Variants in WHAMM observed in about 807,000 individuals in gnomAD.
The protein encoded by WHAMM is WASP homolog-associated protein with actin, membranes and microtubules.
A neutral mutation model predicts 76.5 loss-of-function variants in WHAMM; 67 were observed. The observed-to-expected ratio is 0.88, with a 90% confidence interval of 0.72 to 1.07. WHAMM has a LOEUF of 1.07. Among genes scored for constraint, WHAMM ranks in the 50% least tolerant of loss-of-function variants. WHAMM has a pLI of 0.00. For synonymous variants in WHAMM, 419 were observed against 422.1 expected (o/e 0.99, Z 0.09); for missense variants, 1,021 against 1,051.1 (o/e 0.97, Z 0.40).
chr15:82,818,456 C>A (rs1049141818), intron 4 of WHAMM, among the ~76,000 whole-genome samples: 12 of 152,196 alleles, frequency 7.9e-5, no homozygotes, highest in African/African-American at 2.9e-4. Context: ...CCAACACCAT[C>A]TTCTGTGGAA....
In WHAMM at chr15:82,813,236, C is replaced by T; in HGVS notation, c.743C>T (p.Ala248Val). 1 of 1,593,294 alleles carries T rather than the reference C, an allele frequency of 6.3e-7. No individual in the cohort carries two copies. ...FFQYLLQPFR[A>V]MREVATLCKL... is the part of the protein sequence containing the mutation. Reference sequence around the variant, plus strand: ...CAGTACTTATTGCAGCCATTTAGGGCTATGCGAGAAGTTGCAACTTTATGT... The same window carrying T: ...CAGTACTTATTGCAGCCATTTAGGGTTATGCGAGAAGTTGCAACTTTATGT... The change falls in exon 2 of 10, where the codon GCT becomes GTT. Residue 248 changes from alanine to valine, a missense_variant. Around this residue, in one of 3 missense-constraint regions of WHAMM, gnomAD observed 501 missense variants for 524.9 expected, o/e 0.95. Coordinates refer to ENST00000286760, the MANE Select transcript of WHAMM (RefSeq NM_001080435.3).
intron 8 of WHAMM, 105 bp downstream of exon 8, chr15:82,826,951 C>T (rs761974605): frequency 8.3e-5 from 99 of 1,189,744 alleles, no homozygotes; most frequent in Non-Finnish European, 1.1e-4. Context: ...TCATTCAGAA[C>T]GTGAAACATT....
chr15:82,822,728 G>A (rs2151566245), intron 5 of WHAMM, among the ~76,000 whole-genome samples: 1 of 152,202 alleles, frequency 6.6e-6, no homozygotes, highest in Non-Finnish European at 1.5e-5. Flanking sequence ...GTGAGCCCCT[G>A]CGCCTGGCCT....
Position 82,810,318 on chromosome 15 carries a change from G to A in WHAMM, c.592G>A (p.Asp198Asn), listed in dbSNP as rs2151554106. The change falls in exon 1 of 10, where the codon GAC (aspartate) becomes AAC (asparagine). Residue 198 changes from aspartate (D) to asparagine (N), a missense_variant. Physicochemically the swap from Asp to Asn is conservative, Grantham distance 23 (BLOSUM62 1). Transcript: ENST00000286760. ...CTTGCGCGCGCGGTGGGTCGAGGCG[G>A]ACGCGCGGCTGCGCCAGGTAAGCGA... Reference protein sequence around the residue: ...RALRARWVEADARLRQVIQGH... With the variant: ...RALRARWVEANARLRQVIQGH... The A allele has an allele frequency of 7.6e-7, 1 of 1,316,316 alleles. No individual in the cohort carries two copies. The highest frequency in any genetic ancestry group is 2.2e-5 in the South Asian group (1 of 46,256). 81.5% of individuals were successfully genotyped at this position (1,316,316 alleles called of 1,614,324 possible).
chr15:82,810,257 C>T lies in WHAMM; in HGVS notation c.531C>T (p.Ala177=). The part of the protein sequence containing the change: ...DALFPAEGGA[A]DCESPREFRE... ...TCTTCCCGGCTGAGGGCGGCGCGGCCGACTGCGAAAGCCCGCGCGAGTTCC... is the reference window on the plus strand; with the variant it reads ...TCTTCCCGGCTGAGGGCGGCGCGGCTGACTGCGAAAGCCCGCGCGAGTTCC... Residue 177 remains alanine (A), a synonymous_variant, in exon 1 of 10, where the codon GCC becomes GCT. Coordinates refer to ENST00000286760, the MANE Select transcript of WHAMM (RefSeq NM_001080435.3). The T allele has an allele frequency of 7.2e-7, 1 of 1,389,342 alleles. No homozygotes were observed. Among genetic ancestry groups the T allele is most frequent in the Admixed American group, 3.1e-5 (1 of 32,144 alleles). 86.1% of individuals were successfully genotyped at this position (1,389,342 alleles called of 1,614,324 possible).
In WHAMM at chr15:82,830,878, C is replaced by T; in HGVS notation, c.1921C>T (p.Pro641Ser). 1 of 1,574,196 alleles carries T rather than the reference C, an allele frequency of 6.4e-7. No individual in the cohort carries two copies. Reference sequence around the variant, plus strand: ...CAGTGAGGAATTGTCACTGCCACCACCTCCTCCTCCTCCACCACCACCACC... The same window carrying T: ...CAGTGAGGAATTGTCACTGCCACCATCTCCTCCTCCTCCACCACCACCACC... ...KSSEELSLPP[P>S]PPPPPPPPPP... is the part of the protein sequence containing the mutation. Residue 641 changes from proline to serine, a missense_variant, in exon 9 of 10, where the codon CCT becomes TCT. Pro to Ser is a moderately conservative substitution (Grantham distance 74, BLOSUM62 -1). Coordinates refer to ENST00000286760, the MANE Select transcript of WHAMM (RefSeq NM_001080435.3).
At chr15:82,810,606 G>T in intron 1 of WHAMM, 7 of 985,474 alleles carry the variant, frequency 7.1e-6, no homozygotes, top group Non-Finnish European at 7.2e-6. Flanking sequence ...CTTTTGCCCT[G>T]AAGATGCTGG....
rs908590642 is a variant in WHAMM at position 82,833,759 on chromosome 15, G to A, written c.*223G>A. 11 of 533,206 alleles carry A rather than the reference G, an allele frequency of 2.1e-5. No individual in the cohort carries two copies. In the East Asian group the frequency reaches 3.3e-4, roughly 16 times the overall value. 33.0% of individuals were successfully genotyped at this position (533,206 alleles called of 1,614,324 possible). ...GGCTGGGGTGCAGTGGCGCCATCTC[G>A]GCTCACCGCAAGCTCCGCTTCCCAG... On this transcript the variant is annotated 3_prime_UTR_variant, in exon 10 of 10. Transcript: ENST00000286760.
rs1293904752 is a variant in WHAMM, at chr15:82,810,282, C to T, written c.556C>T (p.Arg186Trp). 1.5e-5 allele frequency: 20 copies of T among 1,366,640 alleles called. No homozygotes were observed. The highest frequency in any genetic ancestry group is 2.7e-4 in the Middle Eastern group (1 of 3,746). The allele number at this position is 1,366,640 out of a possible 1,614,324, so 84.7% of individuals were successfully genotyped here. The change falls in exon 1 of 10, where the codon CGG becomes TGG. Residue 186 changes from arginine (R) to tryptophan (W), a missense_variant. Physicochemically the swap from Arg to Trp is moderately radical, Grantham distance 101. Around this residue, in one of 3 missense-constraint regions of WHAMM, gnomAD observed 501 missense variants for 524.9 expected, o/e 0.95. Transcript: ENST00000286760. The stretch of plus-strand genomic sequence containing the variant: ...CGACTGCGAAAGCCCGCGCGAGTTC[C>T]GGGAGCGGGCCTTGCGCGCGCGGTG... ...AADCESPREFRERALRARWVE... is the reference protein window; with the variant it reads ...AADCESPREFWERALRARWVE...
chr15:82,834,573 C>T lies in WHAMM; in HGVS notation c.*1037C>T, dbSNP rs2051100692. 6.6e-6 allele frequency: 1 copy of T among 152,654 alleles called. No homozygotes were observed. The highest frequency in any genetic ancestry group is 6.5e-5 in the Admixed American group (1 of 15,288). 9.5% of individuals were successfully genotyped at this position (152,654 alleles called of 1,614,324 possible). ...AGACTACTGACTGTGGCCTTCTGTG[C>T]ATATGGAATAATGATTTCTCAGATT... On this transcript the variant is annotated 3_prime_UTR_variant, in exon 10 of 10. Coordinates refer to ENST00000286760, the MANE Select transcript of WHAMM (RefSeq NM_001080435.3).
At chr15:82,832,762 A>C (rs767653266) in intron 9 of WHAMM, among the ~76,000 whole-genome samples, 1 of 152,222 alleles carries the variant, frequency 6.6e-6, no homozygotes, top group African/African-American at 2.4e-5. Context: ...ACTAATACCC[A>C]AGACTGAAGT....
At chr15:82,819,788 G>A (rs1207885946) in intron 5 of WHAMM, among the ~76,000 whole-genome samples, 1 of 152,224 alleles carries the variant, frequency 6.6e-6, no homozygotes, top group East Asian at 1.9e-4. Context: ...GAGATTAGGA[G>A]TTCCAGACCA....
chr15:82,809,842 G>A lies in WHAMM; in HGVS notation c.116G>A (p.Gly39Asp). 2 of 1,605,164 alleles carry A rather than the reference G, an allele frequency of 1.2e-6. No homozygotes were observed. Among genetic ancestry groups the A allele is most frequent in the Non-Finnish European group, 1.7e-6 (2 of 1,176,908 alleles). The change falls in exon 1 of 10, where the codon GGC becomes GAC. Residue 39 changes from glycine to aspartate, a missense_variant. Physicochemically the swap from Gly to Asp is moderately conservative, Grantham distance 94. Around this residue, in one of 3 missense-constraint regions of WHAMM, gnomAD observed 501 missense variants for 524.9 expected, o/e 0.95. Transcript: ENST00000286760. ...RFLVAWNGAE[G>D]KFAVTCHDRT... ...CTGGTGGCCTGGAACGGCGCGGAGGGCAAGTTCGCTGTGACTTGTCACGAC... is the reference window on the plus strand; with the variant it reads ...CTGGTGGCCTGGAACGGCGCGGAGGACAAGTTCGCTGTGACTTGTCACGAC...
chr15:82,833,144 G>T (rs2151575920), intron 9 of WHAMM, 85 bp from the exon 10 acceptor site: 1 of 1,403,638 alleles, frequency 7.1e-7, no homozygotes, highest in Non-Finnish European at 9.6e-7. Flanking sequence ...TTAACTGATA[G>T]GAGATTTCAC....
At chr15:82,826,896 A>G in intron 8 of WHAMM, 50 bp downstream of exon 8, 2 of 1,499,156 alleles carry the variant, frequency 1.3e-6, no homozygotes, top group Non-Finnish European at 1.8e-6. Context: ...GAAATAACTG[A>G]AGACCACCCT....
At chr15:82,812,351 C>A (rs2151555864) in intron 1 of WHAMM, among the ~76,000 whole-genome samples, 1 of 152,344 alleles carries the variant, frequency 6.6e-6, no homozygotes, top group Non-Finnish European at 1.5e-5. Flanking sequence ...GCCTCAGCCT[C>A]TCCAGTAGCT....
At chr15:82,822,628 G>T (rs1311634291) in intron 5 of WHAMM, among the ~76,000 whole-genome samples, 2 of 152,162 alleles carry the variant, frequency 1.3e-5, no homozygotes, top group African/African-American at 2.4e-5. Context: ...AGTAGAGACG[G>T]GGTTTTGCCG....
rs1742365725 is a variant in WHAMM, at chr15:82,836,041, C to A, written c.*2505C>A. 6.6e-6 allele frequency: 1 copy of A among 152,228 alleles called. No homozygotes were observed. The highest frequency in any genetic ancestry group is 6.5e-5 in the Admixed American group (1 of 15,292). The allele number at this position is 152,228 out of a possible 1,614,324, so 9.4% of individuals were successfully genotyped here. A position where few individuals can be genotyped will look rare whatever the true frequency, so the allele number is the denominator to read the frequency against. On this transcript the variant is annotated 3_prime_UTR_variant, in exon 10 of 10. Transcript: ENST00000286760. Reference sequence around the variant, plus strand: ...AATTTGCTTTCTAAGGGCTGCCAAACACAAGAGGCCTTTGAAAAAAGGATC... The same window carrying A: ...AATTTGCTTTCTAAGGGCTGCCAAAAACAAGAGGCCTTTGAAAAAAGGATC...
In WHAMM at chr15:82,830,986, C is replaced by T. The variant is rs746026792; in HGVS notation, c.2029C>T (p.Arg677Trp). The T allele has an allele frequency of 3.2e-5, 51 of 1,609,506 alleles. No homozygotes were observed. The East Asian group carries it at 3.6e-4, about 11-fold the overall frequency. ...TGCAACTCATCAGAACTTAGGCTTC[C>T]GGGCTCCAGTGAAAGATGACCAGCC... ...QAATHQNLGF[R>W]APVKDDQPRP... The change falls in exon 9 of 10, where the codon CGG becomes TGG. Residue 677 changes from arginine to tryptophan, a missense_variant. Arg to Trp is a moderately radical substitution (Grantham distance 101). Coordinates refer to ENST00000286760, the MANE Select transcript of WHAMM (RefSeq NM_001080435.3).
Sources: gnomAD v4.1 joint callset for allele counts (sites outside exome capture counted in the v4.1 genomes callset) on GRCh38, gnomAD v4.1.1 for gene constraint, gnomAD v4.1.1 regional missense constraint, MANE v1.5 for transcripts, NCBI Gene and HGNC (gene_info 2026-07-23, HGNC 2026-07-21) for gene names.